The following SEC14L5 variants were observed in gnomAD, a reference collection of about 807,000 sequenced individuals.
SEC14L5 encodes the protein SEC14-like protein 5.
A neutral mutation model predicts 84.6 loss-of-function variants in SEC14L5; 96 were observed. That is an observed-to-expected ratio of 1.13 (90% confidence interval 0.96 to 1.34). The LOEUF is 1.34. Among genes scored for constraint, SEC14L5 ranks in the 40% most tolerant of loss-of-function variants. The pLI is 0.00. For missense variants in SEC14L5, 1,224 were observed against 942.5 expected (o/e 1.30, Z -3.91); for synonymous variants, 546 against 383.4 (o/e 1.42, Z -4.95).
chr16:4,971,288 G>T (rs1955276327), intron 2 of SEC14L5, among the ~76,000 whole-genome samples: 1 of 152,032 alleles, frequency 6.6e-6, no homozygotes, highest in South Asian at 2.1e-4. Context: ...GTGAGACCTT[G>T]TCTCTACAAA....
chr16:4,999,440 C>G (rs555329449), intron 8 of SEC14L5, among the ~76,000 whole-genome samples: 1 of 151,470 alleles, frequency 6.6e-6, no homozygotes, highest in Non-Finnish European at 1.5e-5. Flanking sequence ...TCGCCCCCCT[C>G]CACCACATCT....
intron 2 of SEC14L5, among the ~76,000 whole-genome samples, chr16:4,966,405 C>T (rs1049285923): frequency 3.4e-5 from 5 of 149,166 alleles, no homozygotes; most frequent in African/African-American, 1.2e-4. Context: ...TCCTGAGTAG[C>T]TGGGAGTACA....
intron 2 of SEC14L5, among the ~76,000 whole-genome samples, chr16:4,961,510 G>A (rs1955120926): frequency 6.6e-6 from 1 of 152,188 alleles, no homozygotes; most frequent in African/African-American, 2.4e-5. Flanking sequence ...TGTATTTTCA[G>A]TATAGACGGG....
Position 5,017,687 on chromosome 16 carries a change from A to G in SEC14L5, c.*2717A>G, listed in dbSNP as rs548455012. On this transcript the variant is annotated 3_prime_UTR_variant, in exon 16 of 16. Transcript: ENST00000251170. ...AGGATTGGGGAGGGCCATTCCCCCAATGGACAAGAGAAGCTGGACCACAGA... is the reference window on the plus strand; with the variant it reads ...AGGATTGGGGAGGGCCATTCCCCCAGTGGACAAGAGAAGCTGGACCACAGA... 6.6e-6 allele frequency: 1 copy of G among 152,338 alleles called. No individual in the cohort carries two copies. The highest frequency in any genetic ancestry group is 1.9e-4 in the East Asian group (1 of 5,190). 9.4% of individuals were successfully genotyped at this position (152,338 alleles called of 1,614,324 possible). A position where few individuals can be genotyped will look rare whatever the true frequency, so the allele number is the denominator to read the frequency against.
In SEC14L5 at chr16:5,014,946, TAGC is replaced by T; in HGVS notation, c.2071_2073del (p.Ser692del). The T allele has an allele frequency of 6.2e-7, 1 of 1,611,962 alleles. No individual in the cohort carries two copies. Among genetic ancestry groups the T allele is most frequent in the South Asian group, 1.1e-5 (1 of 91,084 alleles). ...CGTCCTCCTCCTCCGGCCAGTCTCA[TAGC>T]AGCTCCCTGGTCTCCAGATAGCCGG... is the stretch of plus-strand genomic sequence containing the variant. On this transcript the variant is annotated inframe_deletion, in exon 16 of 16. Coordinates refer to ENST00000251170, the MANE Select transcript of SEC14L5 (RefSeq NM_014692.2).
At chr16:4,968,622 C>T (rs957276781) in intron 2 of SEC14L5, among the ~76,000 whole-genome samples, 5 of 152,200 alleles carry the variant, frequency 3.3e-5, no homozygotes, top group African/African-American at 9.6e-5. Flanking sequence ...CTGTACCTGG[C>T]CTTGACTTTC....
intron 2 of SEC14L5, among the ~76,000 whole-genome samples, chr16:4,983,584 T>C (rs1352696078): frequency 1.3e-5 from 2 of 150,880 alleles, no homozygotes; most frequent in Non-Finnish European, 2.9e-5. Flanking sequence ...AAATAATATA[T>C]GTATACATGT....
chr16:5,014,536 T>C (rs1295005157), intron 15 of SEC14L5, among the ~76,000 whole-genome samples: 1 of 152,176 alleles, frequency 6.6e-6, no homozygotes, highest in Non-Finnish European at 1.5e-5. Flanking sequence ...CCATGGAATT[T>C]GAGTGCAAAG....
At chr16:4,962,383 G>T (rs575407740) in intron 2 of SEC14L5, among the ~76,000 whole-genome samples, 49 of 152,054 alleles carry the variant, frequency 3.2e-4, no homozygotes, top group African/African-American at 1.2e-3. Flanking sequence ...TGAAAAAAAG[G>T]CTTTCAAATC....
intron 2 of SEC14L5, among the ~76,000 whole-genome samples, chr16:4,981,424 G>A (rs1199848725): frequency 2.0e-5 from 3 of 151,974 alleles, no homozygotes; most frequent in Non-Finnish European, 2.9e-5. Context: ...GTCAAGGCCT[G>A]TTCTGTGTAT....
chr16:4,993,731 A>C (rs774957599), intron 6 of SEC14L5, among the ~76,000 whole-genome samples: 26 of 152,210 alleles, frequency 1.7e-4, no homozygotes, highest in Non-Finnish European at 3.5e-4. Flanking sequence ...GTTTACATGC[A>C]AGTAAAATTT....
At chr16:4,973,223 G>A (rs775252129) in intron 2 of SEC14L5, among the ~76,000 whole-genome samples, 4 of 152,164 alleles carry the variant, frequency 2.6e-5, no homozygotes, top group African/African-American at 4.8e-5. Context: ...CCTCCCCCAC[G>A]CGCCGCCCTT....
chr16:4,976,879 G>A (rs1955347579), intron 2 of SEC14L5, among the ~76,000 whole-genome samples: 1 of 152,216 alleles, frequency 6.6e-6, no homozygotes, highest in Non-Finnish European at 1.5e-5. Context: ...TCATTTGTGG[G>A]TGGTCAAGCC....
At position 5,018,482 on chromosome 16, in the gene SEC14L5, C is replaced by T. The variant is rs1286117885; in HGVS notation, c.*3512C>T. On this transcript the variant is annotated 3_prime_UTR_variant, in exon 16 of 16. Transcript: ENST00000251170. The stretch of plus-strand genomic sequence containing the variant: ...AGGAGTTCAAGACCAGCCTGGGCAA[C>T]ATAGTGAGACCCTGTCTCTACAAAA... 3 of 152,140 alleles carry T rather than the reference C, an allele frequency of 2.0e-5. No homozygotes were observed. The highest frequency in any genetic ancestry group is 7.2e-5 in the African/African-American group (3 of 41,398). 9.4% of individuals were successfully genotyped at this position (152,140 alleles called of 1,614,324 possible). A position where few individuals can be genotyped will look rare whatever the true frequency, so the allele number is the denominator to read the frequency against.
chr16:5,013,768 G>A (rs940275346), intron 15 of SEC14L5, among the ~76,000 whole-genome samples: 1 of 152,082 alleles, frequency 6.6e-6, no homozygotes, highest in African/African-American at 2.4e-5. Flanking sequence ...ATGTTAGCCA[G>A]GCTGGTGTCG....
intron 2 of SEC14L5, among the ~76,000 whole-genome samples, chr16:4,971,924 T>C (rs942474473): frequency 3.3e-5 from 5 of 152,162 alleles, no homozygotes; most frequent in African/African-American, 9.7e-5. Flanking sequence ...ATAGAGACGG[T>C]GGCATTGAGA....
chr16:4,999,830 G>A (rs1432638961), intron 8 of SEC14L5, among the ~76,000 whole-genome samples: 3 of 151,936 alleles, frequency 2.0e-5, no homozygotes, highest in Admixed American at 6.6e-5. Context: ...TGTGAGAATC[G>A]CTTGAACCTG....
chr16:5,000,936 G>A lies in SEC14L5; in HGVS notation c.1130+11G>A, dbSNP rs1411317864. 3 of 1,596,524 alleles carry A rather than the reference G, an allele frequency of 1.9e-6. No homozygotes were observed. Among genetic ancestry groups the A allele is most frequent in the African/African-American group, 1.3e-5 (1 of 74,596 alleles). On this transcript the variant is annotated intron_variant, in intron 10 of 15. Transcript: ENST00000251170. Reference sequence around the variant, plus strand: ...GGGCCGTCCCATCAGGCAAACACCTGGGCTGGGCACAAATCCCCCCTAAAC... The same window carrying A: ...GGGCCGTCCCATCAGGCAAACACCTAGGCTGGGCACAAATCCCCCCTAAAC...
intron 2 of SEC14L5, among the ~76,000 whole-genome samples, chr16:4,974,450 G>C (rs1401865146): frequency 2.0e-5 from 3 of 151,710 alleles, no homozygotes; most frequent in East Asian, 3.9e-4. Flanking sequence ...GCGATTCTCC[G>C]ACCTCGACCT....
Sources: gnomAD v4.1 joint callset for allele counts (sites outside exome capture counted in the v4.1 genomes callset) on GRCh38, gnomAD v4.1.1 for gene constraint, MANE v1.5 for transcripts, NCBI Gene and HGNC (gene_info 2026-07-23, HGNC 2026-07-21) for gene names.